RASSF3: variants seen among roughly 807,000 people sequenced by gnomAD.
RASSF3 encodes ras association domain-containing protein 3.
RASSF3 carries 19 observed loss-of-function variants against 19.9 expected under a neutral mutation model. The observed-to-expected ratio is 0.96, with a 90% CI of 0.67 to 1.40. The LOEUF is 1.40. Among genes scored for constraint, RASSF3 ranks in the 40% most tolerant of loss-of-function variants. RASSF3 has a pLI of 0.00. For synonymous variants in RASSF3, 110 were observed against 104.2 expected (o/e 1.06, Z -0.34); for missense variants, 306 against 289.8 (o/e 1.06, Z -0.41).
At chr12:64,606,739 C>T (rs907281053), upstream of RASSF3, among the ~76,000 whole-genome samples, 4 of 151,602 alleles carry the variant, frequency 2.6e-5, no homozygotes, top group Non-Finnish European at 4.4e-5. Flanking sequence ...CGCTTGAACC[C>T]GGGAGGCAGA....
chr12:64,554,992 C>T (rs953244346), intron 2 of RASSF3, among the ~76,000 whole-genome samples: 3 of 151,994 alleles, frequency 2.0e-5, no homozygotes, highest in Non-Finnish European at 2.9e-5. Context: ...GCCTGTAATC[C>T]CAGCACTTTG....
chr12:64,509,542 C>A (rs1868315645), intron 1 of RASSF3, among the ~76,000 whole-genome samples: 1 of 152,132 alleles, frequency 6.6e-6, no homozygotes, highest in Non-Finnish European at 1.5e-5. Context: ...GAGCTTTATC[C>A]CAGATTATCT....
intron 1 of RASSF3, among the ~76,000 whole-genome samples, chr12:64,648,802 A>ATTTTTTTTTTTTTTTTTT (rs60003798): frequency 1.9e-5 from 2 of 105,018 alleles, no homozygotes; most frequent in African/African-American, 7.8e-5. Flanking sequence ...TTTTACATTG[A>ATTTTTTTTTTTTTTTTTT]TTTTTTTTTT....
At chr12:64,513,502 T>C (rs1044416053) in intron 1 of RASSF3, among the ~76,000 whole-genome samples, 2 of 149,956 alleles carry the variant, frequency 1.3e-5, no homozygotes, top group East Asian at 1.9e-4. Flanking sequence ...AAAGTCCGAT[T>C]AGAACTCCCA....
intron 2 of RASSF3, chr12:64,575,630 T>G (rs1003517410): frequency 6.6e-6 from 1 of 152,134 alleles, no homozygotes; most frequent in Non-Finnish European, 1.5e-5. Context: ...AAGACTATTA[T>G]GAAAAACTAA....
At chr12:64,608,106 G>C (rs183180292), upstream of RASSF3, among the ~76,000 whole-genome samples, 1 of 151,496 alleles carries the variant, frequency 6.6e-6, no homozygotes, top group African/African-American at 2.4e-5. Context: ...TTTTTTTAGA[G>C]AAAAGGTCTC....
chr12:64,616,767 T>C (rs1019030550), intron 1 of RASSF3, among the ~76,000 whole-genome samples: 3 of 152,170 alleles, frequency 2.0e-5, no homozygotes, highest in African/African-American at 7.2e-5. Context: ...AGGCATTACC[T>C]CTATTACAAG....
rs1870410122 is a variant in RASSF3 at position 64,612,629 on chromosome 12, C to T, written c.111+1886C>T. Among the ~76,000 whole-genome samples, 4 of 152,090 alleles carry T rather than the reference C, an allele frequency of 2.6e-5. 1 individual carries two copies. Among genetic ancestry groups the T allele is most frequent in the South Asian group, 2.1e-4 (1 of 4,814 alleles). On this transcript the variant is annotated intron_variant, in intron 1 of 4. Transcript: ENST00000542104. ...TAGCTGAGATTACAGGCATGCACCA[C>T]CACATCTGGCTCATTTTTGTATTTT...
At chr12:64,570,859 C>T (rs995413654) in intron 2 of RASSF3, among the ~76,000 whole-genome samples, 6 of 152,158 alleles carry the variant, frequency 3.9e-5, no homozygotes, top group Admixed American at 2.0e-4. Flanking sequence ...CTCCAGAGGA[C>T]GAACTGGAGA....
intron 2 of RASSF3, among the ~76,000 whole-genome samples, chr12:64,559,639 C>A (rs1028110599): frequency 6.6e-6 from 1 of 152,148 alleles, no homozygotes; most frequent in African/African-American, 2.4e-5. Context: ...TCAAGCATTT[C>A]CACTTTTCTC....
rs144006886 is a variant in RASSF3 at position 64,581,121 on chromosome 12, A to G, written c.294+39416A>G. On this transcript the variant is annotated intron_variant, in intron 2 of 5. Coordinates refer to the RASSF3 transcript ENST00000637125. ...TAACATTACTGTGGTAAAAAAAAAAAAGAGAGAGAGAGAGCTTATAAACAC... is the reference window on the plus strand; with the variant it reads ...TAACATTACTGTGGTAAAAAAAAAAGAGAGAGAGAGAGAGCTTATAAACAC... Among the ~76,000 whole-genome samples the G allele has an allele frequency of 3.4e-3, 521 of 151,438 alleles. 3 individuals are homozygous for G. Among genetic ancestry groups the G allele is most frequent in the African/African-American group, 0.012 (478 of 41,286 alleles).
upstream of RASSF3, among the ~76,000 whole-genome samples, chr12:64,530,939 T>C (rs963654352): frequency 1.3e-5 from 2 of 152,240 alleles, no homozygotes; most frequent in African/African-American, 4.8e-5. Context: ...AGTTTTTAGA[T>C]TCTTTATATA....
At chr12:64,629,202 A>G (rs1239044292) in intron 1 of RASSF3, among the ~76,000 whole-genome samples, 1 of 151,790 alleles carries the variant, frequency 6.6e-6, no homozygotes, top group East Asian at 1.9e-4. Context: ...TATGGGTTCA[A>G]GCAATCCTCC....
rs1872889110 is a variant in RASSF3 at position 64,676,107 on chromosome 12, G to A, written c.112-8680G>A. ...CAGCACACTGTACTTTTAAGGACAA[G>A]AACAGCAGCACCAAACACCCCAGAA... is the stretch of plus-strand genomic sequence containing the variant. On this transcript the variant is annotated intron_variant, in intron 1 of 4. Coordinates refer to ENST00000542104, the MANE Select transcript of RASSF3 (RefSeq NM_178169.4). Among the ~76,000 whole-genome samples the A allele has an allele frequency of 2.0e-5, 3 of 150,610 alleles. No homozygotes were observed. In the South Asian group the frequency reaches 6.3e-4, roughly 32 times the overall value.
At chr12:64,667,388 G>A (rs1872563684) in intron 1 of RASSF3, among the ~76,000 whole-genome samples, 3 of 151,942 alleles carry the variant, frequency 2.0e-5, no homozygotes, top group Admixed American at 2.0e-4. Context: ...GTGCAGTGGC[G>A]CCATCTCGGC....
chr12:64,596,343 G>A (rs1369482993), intron 2 of RASSF3, among the ~76,000 whole-genome samples: 3 of 152,194 alleles, frequency 2.0e-5, no homozygotes, highest in Non-Finnish European at 4.4e-5. Flanking sequence ...AGGGACAAGG[G>A]GAAAGCTCTC....
intron 1 of RASSF3, among the ~76,000 whole-genome samples, chr12:64,681,910 T>C (rs1290365145): frequency 6.6e-6 from 1 of 151,764 alleles, no homozygotes; most frequent in African/African-American, 2.4e-5. Flanking sequence ...GAGACTGAGG[T>C]GGGAGGAATG....
At chr12:64,647,722 T>A (rs1871791021) in intron 1 of RASSF3, among the ~76,000 whole-genome samples, 1 of 150,798 alleles carries the variant, frequency 6.6e-6, no homozygotes, top group Admixed American at 6.6e-5. Context: ...CGGCCTTGTA[T>A]TTTTTTTTAT....
intron 1 of RASSF3, among the ~76,000 whole-genome samples, chr12:64,512,583 T>C (rs1399669832): frequency 6.6e-6 from 1 of 152,206 alleles, no homozygotes; most frequent in Non-Finnish European, 1.5e-5. Flanking sequence ...AAAAATATTT[T>C]CATGCACAGA....
Sources: gnomAD v4.1 joint callset for allele counts (sites outside exome capture counted in the v4.1 genomes callset) on GRCh38, gnomAD v4.1.1 for gene constraint, MANE v1.5 for transcripts, NCBI Gene and HGNC (gene_info 2026-07-23, HGNC 2026-07-21) for gene names.